Variants in FGF13 observed in about 807,000 individuals in gnomAD.
FGF13 encodes the protein fibroblast growth factor 13.
Under a neutral mutation model 19.5 loss-of-function variants are expected in FGF13, and 2 were observed. That is an observed-to-expected ratio of 0.10 (90% CI 0.04 to 0.32). FGF13 has a LOEUF of 0.32. Ranked by LOEUF, FGF13 falls within the 10% of genes least tolerant of loss-of-function variation. The pLI, the probability that FGF13 is intolerant of heterozygous loss-of-function variation, is 1.00. For missense variants in FGF13, 113 were observed against 192.7 expected, an observed-to-expected ratio of 0.59 and a Z score of 2.45; for synonymous variants, 72 against 76.9, an observed-to-expected ratio of 0.94 and a Z score of 0.33.
At chrX:139,084,079 T>C (rs942726855) in intron 1 of FGF13, among the ~76,000 whole-genome samples, 20 of 108,459 alleles carry the variant, frequency 1.8e-4, no homozygotes, top group Non-Finnish European at 3.8e-4. Context: ...ACATGAAGGA[T>C]CAAATGAGAT....
intron 4 of FGF13, among the ~76,000 whole-genome samples, chrX:138,634,863 A>T (rs2089164468): frequency 8.9e-6 from 1 of 112,256 alleles, no homozygotes. Flanking sequence ...AACTAAAAGT[A>T]GCATTGGATC....
At chrX:139,113,829 C>T (rs2083620559) in intron 1 of FGF13, among the ~76,000 whole-genome samples, 1 of 111,927 alleles carries the variant, frequency 8.9e-6, no homozygotes, top group Admixed American at 9.5e-5. Context: ...TCTCTACTTC[C>T]TCTTCCGGAA....
At chrX:138,929,267 C>A (rs772047363) in intron 1 of FGF13, among the ~76,000 whole-genome samples, 1 of 59,538 alleles carries the variant, frequency 1.7e-5, no homozygotes, top group Non-Finnish European at 3.9e-5. Flanking sequence ...GTGTGTGTGT[C>A]TCTCTGTGTG....
At chrX:138,965,254 G>A (rs1207247995) in intron 1 of FGF13, among the ~76,000 whole-genome samples, 1 of 111,950 alleles carries the variant, frequency 8.9e-6, no homozygotes, top group Non-Finnish European at 1.9e-5. Flanking sequence ...GCTGTGTTAG[G>A]GGCCCCTGCT....
intron 1 of FGF13, among the ~76,000 whole-genome samples, chrX:139,066,843 G>A (rs1603176918): frequency 9.1e-6 from 1 of 109,737 alleles, no homozygotes; most frequent in Admixed American, 9.7e-5. Flanking sequence ...GCAAATTTCA[G>A]GCCAATATCC....
intron 3 of FGF13, among the ~76,000 whole-genome samples, chrX:138,767,757 T>C (rs970302371): frequency 5.3e-5 from 6 of 112,372 alleles, no homozygotes; most frequent in African/African-American, 1.6e-4. Context: ...AGGAATTTAC[T>C]AGCCATGTGA....
At chrX:138,856,780 C>G (rs2091260045), downstream of FGF13, among the ~76,000 whole-genome samples, 1 of 112,006 alleles carries the variant, frequency 8.9e-6, no homozygotes, top group Non-Finnish European at 1.9e-5. Context: ...AAATATTTCT[C>G]TTTGATAGAT....
rs1035703000 is a variant in FGF13, at chrX:138,805,076, A to G, written c.217+52436T>C. ...GACACGAATCAAATTGAAAAGGCAGATGCTTTAAGCAGGTGAAATATTAAT... is the reference window on the plus strand; with the variant it reads ...GACACGAATCAAATTGAAAAGGCAGGTGCTTTAAGCAGGTGAAATATTAAT... On this transcript the variant is annotated intron_variant, in intron 3 of 6. Transcript: ENST00000436198. 3.6e-5 allele frequency among the ~76,000 whole-genome samples: 4 copies of G among 112,123 alleles called. No individual in the cohort carries two copies. The East Asian group carries it at 1.1e-3, about 31-fold the overall frequency.
At chrX:138,649,005 T>A (rs1292161157) in intron 3 of FGF13, among the ~76,000 whole-genome samples, 1 of 112,173 alleles carries the variant, frequency 8.9e-6, no homozygotes, top group Non-Finnish European at 1.9e-5. Flanking sequence ...AAAATCTATA[T>A]TGGCAAATAT....
chrX:139,003,336 G>C (rs758191610), intron 1 of FGF13, among the ~76,000 whole-genome samples: 1 of 111,558 alleles, frequency 9.0e-6, no homozygotes, highest in South Asian at 3.9e-4. Context: ...GCAGATCTTC[G>C]CCGTGAGTGT....
chrX:138,693,563 A>G (rs2089860821), intron 3 of FGF13, among the ~76,000 whole-genome samples: 1 of 111,997 alleles, frequency 8.9e-6, no homozygotes, highest in Non-Finnish European at 1.9e-5. Flanking sequence ...GAAAACATTC[A>G]TCAGAAATGT....
At chrX:138,673,889 A>G (rs1206247622) in intron 3 of FGF13, among the ~76,000 whole-genome samples, 1 of 111,545 alleles carries the variant, frequency 9.0e-6, no homozygotes, top group Non-Finnish European at 1.9e-5. Context: ...AATATGGGTC[A>G]CAGCTAGAAG....
Position 138,630,786 on chromosome X carries a change from G to A in FGF13, c.*2064C>T, listed in dbSNP as rs1436713098. 2 of 111,412 alleles carry A rather than the reference G, an allele frequency of 1.8e-5. No homozygotes were observed. Among genetic ancestry groups the A allele is most frequent in the Non-Finnish European group, 3.8e-5 (2 of 53,058 alleles). The allele number at this position is 111,412 out of a possible 1,213,427, so 9.2% of individuals were successfully genotyped here. On this transcript the variant is annotated 3_prime_UTR_variant, in exon 5 of 5. Coordinates refer to ENST00000315930, the MANE Select transcript of FGF13 (RefSeq NM_004114.5). Reference sequence around the variant, plus strand: ...CATATACAGATGATCCTTCACTTACGATGGGGGTCACATACCAATAAACCC... The same window carrying A: ...CATATACAGATGATCCTTCACTTACAATGGGGGTCACATACCAATAAACCC...
intron 1 of FGF13, among the ~76,000 whole-genome samples, chrX:139,047,785 G>T: frequency 9.0e-6 from 1 of 111,670 alleles, no homozygotes; most frequent in Middle Eastern, 4.6e-3. Flanking sequence ...CTGTCAAATG[G>T]CAAAAGCACG....
chrX:138,652,147 T>C (rs1034173906), intron 3 of FGF13, among the ~76,000 whole-genome samples: 11 of 111,323 alleles, frequency 9.9e-5, no homozygotes, highest in Non-Finnish European at 1.5e-4. Context: ...CCCTTTAATA[T>C]GCTAAGCATA....
In FGF13 at chrX:139,179,454, T is replaced by TAA. The variant is rs56319515; in HGVS notation, c.-113+23960_-113+23961dup. Among the ~76,000 whole-genome samples the TAA allele has an allele frequency of 5.3e-3, 547 of 102,295 alleles. 4 individuals carry two copies. The highest frequency in any genetic ancestry group is 8.9e-3 in the African/African-American group (250 of 28,239). 88.8% of individuals were successfully genotyped at this position (102,295 alleles called of 115,157 possible). A position where few individuals can be genotyped will look rare whatever the true frequency, so the allele number is the denominator to read the frequency against. On this transcript the variant is annotated intron_variant, in intron 1 of 2. Transcript: ENST00000421460. Reference sequence around the variant, plus strand: ...AAATACTCTTGTGATTCCAGGACATTAAAAAAAAAAAACATGCAGAGGAAT... The same window carrying TAA: ...AAATACTCTTGTGATTCCAGGACATTAAAAAAAAAAAAAACATGCAGAGGAAT...
chrX:138,710,275 T>C (rs1447088339), intron 1 of FGF13, among the ~76,000 whole-genome samples: 2 of 65,491 alleles, frequency 3.1e-5, no homozygotes, highest in Non-Finnish European at 5.5e-5. Context: ...CAGCAAACAT[T>C]TCGAAGCTGC....
intron 3 of FGF13, among the ~76,000 whole-genome samples, chrX:138,838,360 A>G (rs2091127053): frequency 8.9e-6 from 1 of 111,839 alleles, no homozygotes; most frequent in Non-Finnish European, 1.9e-5. Context: ...GGGTCTCCAC[A>G]TGTGCCTGAG....
intron 1 of FGF13, among the ~76,000 whole-genome samples, chrX:139,063,642 T>G (rs1018974564): frequency 1.8e-5 from 2 of 111,859 alleles, no homozygotes. Flanking sequence ...ACAATAAGGT[T>G]TTGTTTTCTC....
Sources: gnomAD v4.1 joint callset for allele counts (sites outside exome capture counted in the v4.1 genomes callset) on GRCh38, gnomAD v4.1.1 for gene constraint, MANE v1.5 for transcripts, NCBI Gene and HGNC (gene_info 2026-07-23, HGNC 2026-07-21) for gene names.